The following ASAH1 variants were observed in gnomAD, a reference collection of about 807,000 sequenced individuals.
The protein encoded by ASAH1 is N-acylsphingosine amidohydrolase 1.
A neutral mutation model predicts 59.5 loss-of-function variants in ASAH1; 70 were observed. That is an observed-to-expected ratio of 1.18 (90% CI 0.97 to 1.43). The LOEUF (loss-of-function observed/expected upper bound fraction) is 1.43. ASAH1 is among the 40% of genes most tolerant of loss of function. The pLI is 0.00. For synonymous variants in ASAH1, 213 were observed against 166.5 expected (o/e 1.28, Z -2.15); for missense variants, 660 against 482.5 (o/e 1.37, Z -3.45).
At chr8:18,061,002 C>G (rs112533974) in intron 10 of ASAH1, 28 of 207,846 alleles carry the variant, frequency 1.3e-4, no homozygotes, top group African/African-American at 6.4e-4. Flanking sequence ...ATCTGTCTAT[C>G]TCAGCCACCC....
At chr8:18,080,398 T>G (rs1033472488) in intron 1 of ASAH1, among the ~76,000 whole-genome samples, 1 of 152,154 alleles carries the variant, frequency 6.6e-6, no homozygotes, top group African/African-American at 2.4e-5. Flanking sequence ...ACACTTAGCC[T>G]ACCGCAAGCT....
chr8:18,063,469 A>AATTT, intron 6 of ASAH1: 1 of 354,070 alleles, frequency 2.8e-6, no homozygotes, highest in Non-Finnish European at 4.9e-6. Flanking sequence ...GCACCTGGCT[A>AATTT]CTTTTTTTTT....
intron 2 of ASAH1, 153 bp downstream of exon 2, chr8:18,075,388 A>G: frequency 1.2e-6 from 1 of 845,292 alleles, no homozygotes; most frequent in Non-Finnish European, 2.0e-6. Flanking sequence ...AGCCAAATGC[A>G]TAATAAACAA....
At chr8:18,074,276 T>C (rs999583530) in intron 2 of ASAH1, among the ~76,000 whole-genome samples, 4 of 151,258 alleles carry the variant, frequency 2.6e-5, no homozygotes, top group Admixed American at 1.3e-4. Context: ...CAGCAGGCCA[T>C]TGAAGAAAGA....
intron 3 of ASAH1, 47 bp downstream of exon 3, chr8:18,071,253 T>TAAAAAA: frequency 2.0e-6 from 2 of 1,010,728 alleles, no homozygotes; most frequent in Non-Finnish European, 2.6e-6. Flanking sequence ...AGAAATAAAA[T>TAAAAAA]AAAAAATAAA....
Position 18,061,755 on chromosome 8 carries a change from A to G in ASAH1, c.649-15T>C. 6.4e-7 allele frequency: 1 copy of G among 1,562,222 alleles called. No individual in the cohort carries two copies. Among genetic ancestry groups the G allele is most frequent in the Non-Finnish European group, 8.7e-7 (1 of 1,151,858 alleles). ...CTGAACAGTCCCTGAGAAAAAGACA[A>G]AGCAACGAAGTCAGAAACATCAACC... On this transcript the variant is annotated splice_polypyrimidine_tract_variant and intron_variant, in intron 8 of 13. Coordinates refer to ENST00000637790, the MANE Select transcript of ASAH1 (RefSeq NM_177924.5).
intron 1 of ASAH1, among the ~76,000 whole-genome samples, chr8:18,076,841 A>C (rs1800423248): frequency 6.6e-6 from 1 of 152,208 alleles, no homozygotes; most frequent in African/African-American, 2.4e-5. Flanking sequence ...TAACATGGGG[A>C]ATATATAAAG....
Position 18,063,303 on chromosome 8 carries a change from GATTA to G in ASAH1, c.458-77_458-74del, listed in dbSNP as rs958143309. The G allele has an allele frequency of 1.7e-4, 229 of 1,355,474 alleles. 1 individual carries two copies. The highest frequency in any genetic ancestry group is 3.6e-4 in the Middle Eastern group (2 of 5,520). The allele number at this position is 1,355,474 out of a possible 1,614,324, so 84.0% of individuals were successfully genotyped here. A position where few individuals can be genotyped will look rare whatever the true frequency, so the allele number is the denominator to read the frequency against. On this transcript the variant is annotated intron_variant, in intron 6 of 13. Coordinates refer to ENST00000637790, the MANE Select transcript of ASAH1 (RefSeq NM_177924.5). ...AAATCAAAGCTGGACAATTAATTTT[GATTA>G]ATTAATTTATTTTTGAGACAGAGTC...
intron 13 of ASAH1, chr8:18,058,556 T>C: frequency 6.8e-6 from 3 of 439,656 alleles, no homozygotes; most frequent in Non-Finnish European, 1.2e-5. Context: ...GTGTGAGATT[T>C]TTAATAGATA....
At chr8:18,060,147 A>C (rs917040128) in intron 10 of ASAH1, 12 of 174,008 alleles carry the variant, frequency 6.9e-5, no homozygotes, top group African/African-American at 2.4e-4. Context: ...GTATCTAAGG[A>C]ATGTGTTATT....
At chr8:18,080,595 T>C (rs894922632) in intron 1 of ASAH1, among the ~76,000 whole-genome samples, 4 of 152,226 alleles carry the variant, frequency 2.6e-5, no homozygotes, top group Admixed American at 2.0e-4. Flanking sequence ...GTTTCGCTCA[T>C]TGTCCAGGCT....
chr8:18,075,458 T>G, intron 2 of ASAH1, 83 bp downstream of exon 2: 1 of 1,346,442 alleles, frequency 7.4e-7, no homozygotes, highest in South Asian at 1.2e-5. Context: ...TTATTCACTA[T>G]CGTTCGTTTA....
At chr8:18,082,042 T>G (rs996561976) in intron 1 of ASAH1, among the ~76,000 whole-genome samples, 1 of 152,192 alleles carries the variant, frequency 6.6e-6, no homozygotes, top group African/African-American at 2.4e-5. Context: ...TTTGCAACAA[T>G]GAAAACTTGA....
rs753870462 is a variant in ASAH1, at chr8:18,084,075, G to T, written c.-17C>A. ...GCCCGGCATCGCTCTAGCAGCCAAC[G>T]CCACTCCCCGGACTCCAGCAGAGGC... On this transcript the variant is annotated 5_prime_UTR_variant, in exon 1 of 14. Transcript: ENST00000637790. 2.5e-6 allele frequency: 4 copies of T among 1,598,094 alleles called. No individual in the cohort carries two copies. In the African/African-American group the frequency reaches 5.3e-5, roughly 21 times the overall value.
rs61108931 is a variant in ASAH1 at position 18,061,522 on chromosome 8, C to T, written c.704-64G>A. ...TGACACTATGTAACCAGTCAGGACC[C>T]GGAAGAGGCTGGACTATATAACCAG... On this transcript the variant is annotated intron_variant, in intron 9 of 13. Coordinates refer to ENST00000637790, the MANE Select transcript of ASAH1 (RefSeq NM_177924.5). 0.25 allele frequency: 365,718 copies of T among 1,476,212 alleles called. 48,494 individuals carry two copies. Among genetic ancestry groups the T allele is most frequent in the Admixed American group, 0.37 (22,056 of 59,736 alleles). 91.4% of individuals were successfully genotyped at this position (1,476,212 alleles called of 1,614,324 possible).
chr8:18,079,087 G>T (rs1426271273), intron 1 of ASAH1, among the ~76,000 whole-genome samples: 1 of 151,840 alleles, frequency 6.6e-6, no homozygotes, highest in Non-Finnish European at 1.5e-5. Flanking sequence ...GACCAGCCTG[G>T]CCAACATGGC....
chr8:18,084,124 G>C, upstream of ASAH1: 2 of 1,583,660 alleles, frequency 1.3e-6, no homozygotes, highest in Non-Finnish European at 1.7e-6. Flanking sequence ...CTGGGCCGGG[G>C]GCAGGCCACG....
At chr8:18,076,770 A>T (rs1448194675) in intron 1 of ASAH1, 1 of 152,202 alleles carries the variant, frequency 6.6e-6, no homozygotes, top group Non-Finnish European at 1.5e-5. Context: ...TGAGCACAGA[A>T]AATGTATCTG....
intron 6 of ASAH1, 21 bp downstream of exon 6, chr8:18,064,430 GCCCACC>G (rs1295373593): frequency 9.3e-4 from 1,375 of 1,477,400 alleles, no homozygotes; most frequent in Non-Finnish European, 1.2e-3. Flanking sequence ...GCTTCATGCT[GCCCACC>G]CTCCCTCAGC....
Sources: gnomAD v4.1 joint callset for allele counts (sites outside exome capture counted in the v4.1 genomes callset) on GRCh38, gnomAD v4.1.1 for gene constraint, MANE v1.5 for transcripts, NCBI Gene and HGNC (gene_info 2026-07-23, HGNC 2026-07-21) for gene names.